SPEF2: variants seen among roughly 807,000 people sequenced by gnomAD.
The protein encoded by SPEF2 is sperm flagellar and cilia associated 2.
SPEF2 carries 187 observed loss-of-function variants against 224.6 expected under a neutral mutation model. The ratio of observed to expected loss-of-function variants is 0.83; its 90% confidence interval spans 0.74 to 0.94. The LOEUF is 0.94. Among genes scored for constraint, SPEF2 ranks in the 40% least tolerant of loss-of-function variants. SPEF2 has a pLI of 0.00. For missense variants in SPEF2, 2,170 were observed against 2,135.6 expected, an observed-to-expected ratio of 1.02 and a Z score of -0.32; for synonymous variants, 715 against 707.3, an observed-to-expected ratio of 1.01 and a Z score of -0.17.
chr5:35,630,732 A>G (rs983777785), intron 2 of SPEF2, among the ~76,000 whole-genome samples: 2 of 152,084 alleles, frequency 1.3e-5, no homozygotes, highest in East Asian at 3.9e-4. Flanking sequence ...TCCACCAGAA[A>G]CCCTAAATCG....
chr5:35,727,101 C>A (rs1187399697), intron 20 of SPEF2, among the ~76,000 whole-genome samples: 1 of 150,104 alleles, frequency 6.7e-6, no homozygotes, highest in African/African-American at 2.5e-5. Context: ...CATCTTTATT[C>A]CCTAACTGTA....
intron 10 of SPEF2, chr5:35,670,442 G>A: frequency 8.5e-7 from 1 of 1,181,734 alleles, no homozygotes; most frequent in Non-Finnish European, 1.0e-6. Context: ...TTAGGGGAGT[G>A]GTCTGAAAAA....
chr5:35,641,351 AATG>A (rs1746595162), intron 2 of SPEF2, 77 bp from the exon 3 acceptor site: 2 of 1,429,532 alleles, frequency 1.4e-6, no homozygotes, highest in East Asian at 2.3e-5. Flanking sequence ...AATATTGGAT[AATG>A]ATAATATGTC....
chr5:35,673,410 A>C (rs1248875554), intron 10 of SPEF2, among the ~76,000 whole-genome samples: 1 of 152,224 alleles, frequency 6.6e-6, no homozygotes, highest in East Asian at 1.9e-4. Flanking sequence ...GCTTACTAGC[A>C]ATTACTAGTT....
chr5:35,630,703 G>A (rs7706451), intron 2 of SPEF2, among the ~76,000 whole-genome samples: 3,175 of 150,330 alleles, frequency 0.021, 114 homozygotes, highest in African/African-American at 0.074. Context: ...CTCAAAAAAA[G>A]AAAAAAAAAG....
chr5:35,640,425 A>G (rs1455345843), intron 2 of SPEF2, among the ~76,000 whole-genome samples: 1 of 152,176 alleles, frequency 6.6e-6, no homozygotes, highest in African/African-American at 2.4e-5. Flanking sequence ...TAGAGAATGG[A>G]AGCACATGTC....
chr5:35,791,062 G>A (rs1035687806), intron 30 of SPEF2: 4 of 152,102 alleles, frequency 2.6e-5, no homozygotes, highest in African/African-American at 4.8e-5. Flanking sequence ...GCCTCTTCAC[G>A]GTTTCAGTGG....
chr5:35,801,248 G>T (rs1490385265), intron 34 of SPEF2, among the ~76,000 whole-genome samples: 1 of 152,212 alleles, frequency 6.6e-6, no homozygotes, highest in African/African-American at 2.4e-5. Flanking sequence ...GGGTGTGGTG[G>T]CTCCCACCTG....
chr5:35,680,024 A>G (rs930517238), intron 10 of SPEF2, among the ~76,000 whole-genome samples: 6 of 152,212 alleles, frequency 3.9e-5, no homozygotes, highest in Non-Finnish European at 7.3e-5. Context: ...AAAAATTAAG[A>G]CATATCCTCC....
At chr5:35,683,172 A>C (rs1454096648) in intron 10 of SPEF2, among the ~76,000 whole-genome samples, 1 of 152,150 alleles carries the variant, frequency 6.6e-6, no homozygotes, top group African/African-American at 2.4e-5. Flanking sequence ...CTACAACAGG[A>C]TATAGAGAGG....
intron 34 of SPEF2, among the ~76,000 whole-genome samples, chr5:35,802,287 C>G (rs1385827602): frequency 6.6e-6 from 1 of 152,180 alleles, no homozygotes; most frequent in African/African-American, 2.4e-5. Context: ...CCTGACAACA[C>G]TGAGCACTCT....
Position 35,762,166 on chromosome 5 carries a change from T to C in SPEF2, c.3621-1356T>C, listed in dbSNP as rs1203995181. 2.6e-5 allele frequency among the ~76,000 whole-genome samples: 4 copies of C among 152,308 alleles called. No individual in the cohort carries two copies. In the East Asian group the frequency reaches 7.7e-4, roughly 29 times the overall value. On this transcript the variant is annotated intron_variant, in intron 25 of 36. Transcript: ENST00000356031. Reference sequence around the variant, plus strand: ...ATATTTGTATTATTCCAAGAGGAACTGAACCTCATAAAGTCAAATGACATG... The same window carrying C: ...ATATTTGTATTATTCCAAGAGGAACCGAACCTCATAAAGTCAAATGACATG...
chr5:35,678,164 G>A (rs149706915), intron 10 of SPEF2, among the ~76,000 whole-genome samples: 2 of 152,190 alleles, frequency 1.3e-5, no homozygotes, highest in African/African-American at 2.4e-5. Flanking sequence ...GCCTGTTTTC[G>A]TACCATTAGA....
intron 10 of SPEF2, among the ~76,000 whole-genome samples, chr5:35,680,205 T>G (rs1172824526): frequency 6.6e-6 from 1 of 152,238 alleles, no homozygotes; most frequent in Non-Finnish European, 1.5e-5. Flanking sequence ...AATGAAATGC[T>G]TTTTGCTGAC....
At chr5:35,694,200 A>G (rs983279561) in intron 12 of SPEF2, 88 bp from the exon 13 acceptor site, 1 of 999,016 alleles carries the variant, frequency 1.0e-6, no homozygotes, top group Non-Finnish European at 1.5e-6. Flanking sequence ...ATTTGTTCTC[A>G]AACCTTTACT....
At position 35,620,215 on chromosome 5, in the gene SPEF2, A is replaced by G. The variant is rs543852721; in HGVS notation, c.58+2160A>G. On this transcript the variant is annotated intron_variant, in intron 1 of 36. Transcript: ENST00000356031. ...CTGCTGCTGCCCCATCATTAGATAA[A>G]CTGTTGTGTGGTGCACAATGGAAGG... 3.9e-5 allele frequency among the ~76,000 whole-genome samples: 6 copies of G among 152,294 alleles called. No individual in the cohort carries two copies. In the South Asian group the frequency reaches 1.2e-3, roughly 32 times the overall value.
At position 35,792,413 on chromosome 5, in the gene SPEF2, T is replaced by C; in HGVS notation, c.4521T>C (p.Phe1507=). 6.2e-7 allele frequency: 1 copy of C among 1,613,804 alleles called. No individual in the cohort carries two copies. Among genetic ancestry groups the C allele is most frequent in the South Asian group, 1.1e-5 (1 of 91,054 alleles). The change falls in exon 31 of 37, where the codon TTT becomes TTC. Residue 1507 remains phenylalanine (F), a synonymous_variant. Transcript: ENST00000356031. The part of the protein sequence containing the change: ...LVTLNLGTNN[F]PSNWMHLTQP... The stretch of plus-strand genomic sequence containing the variant: ...CCCTGAACCTTGGCACAAACAACTT[T>C]CCTAGTAATTGGATGCACCTTACCC...
At chr5:35,681,155 G>GAAT (rs1561187084) in intron 10 of SPEF2, among the ~76,000 whole-genome samples, 1 of 151,958 alleles carries the variant, frequency 6.6e-6, no homozygotes, top group Non-Finnish European at 1.5e-5. Flanking sequence ...CTTGCATTTT[G>GAAT]AATAATAATA....
rs564932177 is a variant in SPEF2, at chr5:35,761,510, C to T, written c.3620+1791C>T. Among the ~76,000 whole-genome samples, 723 of 152,212 alleles carry T rather than the reference C, an allele frequency of 4.7e-3. 5 individuals are homozygous for T. Among genetic ancestry groups the T allele is most frequent in the African/African-American group, 0.017 (686 of 41,540 alleles). On this transcript the variant is annotated intron_variant, in intron 25 of 36. Transcript: ENST00000356031. ...GGCCTGAACACATTATTTTATGCAGCGATCCAAAGCCCATTTTTGTTCTCT... is the reference window on the plus strand; with the variant it reads ...GGCCTGAACACATTATTTTATGCAGTGATCCAAAGCCCATTTTTGTTCTCT...
Sources: allele counts gnomAD v4.1 joint callset (sites outside exome capture counted in the v4.1 genomes callset), GRCh38; gene constraint gnomAD v4.1.1; transcripts MANE v1.5; gene names NCBI Gene and HGNC (gene_info 2026-07-23, HGNC 2026-07-21).